IGSF11: variants seen among roughly 807,000 people sequenced by gnomAD.
IGSF11 encodes the protein CXADR like 1.
IGSF11 carries 22 observed loss-of-function variants against 41.0 expected under a neutral mutation model. The observed-to-expected ratio is 0.54, with a 90% confidence interval of 0.38 to 0.77. The LOEUF (loss-of-function observed/expected upper bound fraction) is 0.77. Among genes scored for constraint, IGSF11 ranks in the 30% least tolerant of loss-of-function variants. The probability of loss-of-function intolerance (pLI) is 0.00; values close to 1 mark genes in which losing one functional copy is unlikely to be tolerated. For synonymous variants in IGSF11, 219 were observed against 201.3 expected (o/e 1.09, Z -0.74); for missense variants, 444 against 530.8 (o/e 0.84, Z 1.61).
At chr3:118,984,941 G>A (rs1461435759) in intron 1 of IGSF11, among the ~76,000 whole-genome samples, 1 of 152,176 alleles carries the variant, frequency 6.6e-6, no homozygotes. Context: ...AAGGCAGGAT[G>A]AGTCATGTGA....
At chr3:119,029,967 C>A (rs1940245484) in intron 1 of IGSF11, among the ~76,000 whole-genome samples, 1 of 152,188 alleles carries the variant, frequency 6.6e-6, no homozygotes, top group African/African-American at 2.4e-5. Flanking sequence ...CAACCCTAAA[C>A]CCTGGTACAC....
At chr3:119,058,734 A>C (rs1941947235) in intron 1 of IGSF11, among the ~76,000 whole-genome samples, 1 of 152,170 alleles carries the variant, frequency 6.6e-6, no homozygotes, top group Non-Finnish European at 1.5e-5. Flanking sequence ...CAAATGTCCA[A>C]CAATGATAGA....
At chr3:118,934,568 T>C (rs1440533087) in intron 1 of IGSF11, among the ~76,000 whole-genome samples, 1 of 152,216 alleles carries the variant, frequency 6.6e-6, no homozygotes, top group African/African-American at 2.4e-5. Flanking sequence ...TTTATATCTC[T>C]ACTCAAAACC....
chr3:119,105,550 TGTA>T (rs773948205), upstream of IGSF11, among the ~76,000 whole-genome samples: 63 of 152,316 alleles, frequency 4.1e-4, no homozygotes, highest in Non-Finnish European at 7.8e-4. Flanking sequence ...TATTACTCCT[TGTA>T]GTAGGTCACC....
At position 118,928,585 on chromosome 3, in the gene IGSF11, G is replaced by C. The variant is rs201218453; in HGVS notation, c.348C>G (p.Gly116=). Residue 116 remains glycine, a synonymous_variant, in exon 3 of 7, where the codon GGC becomes GGG. Transcript: ENST00000393775. ...GGTTGTTGACCAGGCACTGGTAGGT[G>C]CCAGTGTCTGATAACTGAGTGTTAT... is the stretch of plus-strand genomic sequence containing the variant. ...FINNTQLSDT[G]TYQCLVNNLP... 338 of 1,613,736 alleles carry C rather than the reference G, an allele frequency of 2.1e-4. 7 individuals are homozygous for C. In the Middle Eastern group the frequency reaches 3.2e-3, roughly 15 times the overall value.
chr3:119,004,541 T>G (rs1026996981), intron 1 of IGSF11, among the ~76,000 whole-genome samples: 6 of 140,718 alleles, frequency 4.3e-5, no homozygotes, highest in Non-Finnish European at 1.5e-5. Context: ...TCTAGTTCTT[T>G]TAATTGTGAT....
chr3:118,988,808 T>C (rs1935506795), intron 1 of IGSF11, among the ~76,000 whole-genome samples: 1 of 152,230 alleles, frequency 6.6e-6, no homozygotes, highest in South Asian at 2.1e-4. Flanking sequence ...TTTTATCACT[T>C]GTGCTAATAA....
chr3:119,079,879 C>A (rs1341635314), intron 1 of IGSF11, among the ~76,000 whole-genome samples: 1 of 152,168 alleles, frequency 6.6e-6, no homozygotes, highest in East Asian at 1.9e-4. Flanking sequence ...CCAGGGCCTA[C>A]CTAAGAGTGG....
intron 1 of IGSF11, among the ~76,000 whole-genome samples, chr3:119,047,035 C>A (rs1941385722): frequency 6.8e-6 from 1 of 147,126 alleles, no homozygotes; most frequent in African/African-American, 2.5e-5. Context: ...CCAGCCGCTG[C>A]AAAATCATGC....
chr3:118,905,016 T>C (rs1939399911), intron 5 of IGSF11, among the ~76,000 whole-genome samples: 1 of 152,176 alleles, frequency 6.6e-6, no homozygotes, highest in Non-Finnish European at 1.5e-5. Flanking sequence ...ATATTTTGAA[T>C]GAATAAACAA....
intron 1 of IGSF11, among the ~76,000 whole-genome samples, chr3:119,032,857 T>G (rs1315965815): frequency 1.3e-5 from 2 of 152,224 alleles, no homozygotes; most frequent in Non-Finnish European, 1.5e-5. Context: ...ACACGCGTCT[T>G]TGTATTCCAC....
At chr3:118,983,211 T>A (rs576852679) in intron 1 of IGSF11, 26 of 152,348 alleles carry the variant, frequency 1.7e-4, no homozygotes, top group African/African-American at 6.0e-4. Flanking sequence ...TGTAGGTCTT[T>A]ATCTGTATTA....
chr3:119,009,768 A>G (rs1195572470), intron 1 of IGSF11, among the ~76,000 whole-genome samples: 2 of 152,206 alleles, frequency 1.3e-5, no homozygotes, highest in Admixed American at 1.3e-4. Context: ...GGGAAATTTC[A>G]TAGGCTTTTT....
intron 1 of IGSF11, among the ~76,000 whole-genome samples, chr3:119,048,790 T>G (rs1008236178): frequency 6.6e-6 from 1 of 151,960 alleles, no homozygotes; most frequent in African/African-American, 2.4e-5. Flanking sequence ...ATCAAAAAGC[T>G]TATCCACCAT....
intron 1 of IGSF11, among the ~76,000 whole-genome samples, chr3:118,979,237 CAAAT>C (rs1410329775): frequency 1.3e-5 from 2 of 151,952 alleles, no homozygotes; most frequent in African/African-American, 2.4e-5. Flanking sequence ...AATCAATAAA[CAAAT>C]AAGAGCAAAG....
intron 1 of IGSF11, among the ~76,000 whole-genome samples, chr3:119,062,948 T>C (rs1414591408): frequency 6.6e-6 from 1 of 152,090 alleles, no homozygotes; most frequent in African/African-American, 2.4e-5. Flanking sequence ...CTCCCCTCAC[T>C]ATGAGAAAAG....
At chr3:119,047,669 T>A (rs1941422295) in intron 1 of IGSF11, among the ~76,000 whole-genome samples, 1 of 152,062 alleles carries the variant, frequency 6.6e-6, no homozygotes, top group African/African-American at 2.4e-5. Context: ...TACAGAACTC[T>A]CCACCCCAAA....
intron 1 of IGSF11, among the ~76,000 whole-genome samples, chr3:119,119,451 A>T (rs2077303177): frequency 6.6e-6 from 1 of 152,124 alleles, no homozygotes; most frequent in African/African-American, 2.4e-5. Context: ...CCCATGATTC[A>T]ATTACCTCCT....
At position 118,994,312 on chromosome 3, in the gene IGSF11, T is replaced by C. The variant is rs16829218; in HGVS notation, c.52+40219A>G. On this transcript the variant is annotated intron_variant, in intron 1 of 6. Coordinates refer to ENST00000393775, the MANE Select transcript of IGSF11 (RefSeq NM_001015887.3). ...TTGGTTCCATTTACTTCAGTAAACA[T>C]TGATTGAGGCCCATAATTGGCTAAG... Among the ~76,000 whole-genome samples the C allele has an allele frequency of 5.3e-3, 805 of 152,298 alleles. 7 individuals are homozygous for C. The highest frequency in any genetic ancestry group is 0.017 in the African/African-American group (720 of 41,570).
Sources: gnomAD v4.1 joint callset for allele counts (sites outside exome capture counted in the v4.1 genomes callset) on GRCh38, gnomAD v4.1.1 for gene constraint, MANE v1.5 for transcripts, NCBI Gene and HGNC (gene_info 2026-07-23, HGNC 2026-07-21) for gene names.